Variants in HEMK2 observed in about 807,000 individuals in gnomAD.
HEMK2 encodes methyltransferase HEMK2.
the HEMK2 span, among the ~76,000 whole-genome samples, chr21:28,644,880 T>C: frequency 6.6e-6 from 1 of 152,216 alleles, no homozygotes; most frequent in African/African-American, 2.4e-5. Flanking sequence ...GTTAATCTGA[T>C]GAGAGATTGG....
At chr21:28,684,209 TC>T in the HEMK2 span, among the ~76,000 whole-genome samples, 1 of 152,200 alleles carries the variant, frequency 6.6e-6, no homozygotes, top group African/African-American at 2.4e-5. Context: ...ACATAATTAT[TC>T]TCAAACACTA....
the HEMK2 span, among the ~76,000 whole-genome samples, chr21:28,683,207 TAAAATAGGTA>T: frequency 1.3e-5 from 2 of 151,968 alleles, no homozygotes; most frequent in African/African-American, 4.8e-5. Context: ...CTTTACACAA[TAAAATAGGTA>T]ATAGTAACAT....
the HEMK2 span, chr21:28,878,182 T>C: frequency 1.3e-6 from 2 of 1,529,776 alleles, no homozygotes; most frequent in South Asian, 1.2e-5. Flanking sequence ...AATAAATTGG[T>C]CTGTATTACC....
chr21:28,785,897 T>A, the HEMK2 span, among the ~76,000 whole-genome samples: 2 of 152,258 alleles, frequency 1.3e-5, no homozygotes, highest in African/African-American at 4.8e-5. Context: ...CTCAAAATTT[T>A]ATCAGTCAAC....
the HEMK2 span, among the ~76,000 whole-genome samples, chr21:28,768,675 T>C: frequency 2.0e-5 from 3 of 152,110 alleles, no homozygotes; most frequent in South Asian, 2.1e-4. Flanking sequence ...GTGAGATGAG[T>C]TCCTTTCCCT....
chr21:28,680,148 T>G, the HEMK2 span, among the ~76,000 whole-genome samples: 2 of 152,076 alleles, frequency 1.3e-5, no homozygotes, highest in East Asian at 3.9e-4. Context: ...ATTGATAGAC[T>G]GCTAGCAAGA....
the HEMK2 span, among the ~76,000 whole-genome samples, chr21:28,763,999 A>G: frequency 2.0e-5 from 3 of 152,250 alleles, no homozygotes; most frequent in African/African-American, 7.2e-5. Context: ...AGCATGTTGC[A>G]TAGTGTCCCC....
chr21:28,832,858 G>A, the HEMK2 span, among the ~76,000 whole-genome samples: 1 of 152,226 alleles, frequency 6.6e-6, no homozygotes, highest in African/African-American at 2.4e-5. Flanking sequence ...CTCAAATTCA[G>A]ATTCAGCTAA....
chr21:28,811,109 C>A, the HEMK2 span, among the ~76,000 whole-genome samples: 5 of 152,008 alleles, frequency 3.3e-5, no homozygotes, highest in African/African-American at 1.2e-4. Context: ...AGGCCAGGCA[C>A]AATGGCTCAT....
chr21:28,714,720 G>A, the HEMK2 span, among the ~76,000 whole-genome samples: 1 of 152,126 alleles, frequency 6.6e-6, no homozygotes, highest in African/African-American at 2.4e-5. Flanking sequence ...TGATGCTGAG[G>A]TCTGGGATAC....
chr21:28,732,708 A>T, the HEMK2 span, among the ~76,000 whole-genome samples: 3 of 152,312 alleles, frequency 2.0e-5, no homozygotes, highest in East Asian at 5.8e-4. Flanking sequence ...GACAGAAAGG[A>T]TCACCAGCAT....
the HEMK2 span, among the ~76,000 whole-genome samples, chr21:28,637,879 A>G: frequency 6.6e-6 from 1 of 152,246 alleles, no homozygotes; most frequent in East Asian, 1.9e-4. Context: ...ATTTGAATCC[A>G]TAAAGTATAT....
At chr21:28,699,011 ATG>A in the HEMK2 span, among the ~76,000 whole-genome samples, 2 of 152,158 alleles carry the variant, frequency 1.3e-5, no homozygotes, top group Non-Finnish European at 2.9e-5. Flanking sequence ...GTAAGCATTC[ATG>A]TGTTTTTTTA....
At chr21:28,742,106 T>C in the HEMK2 span, among the ~76,000 whole-genome samples, 1 of 152,136 alleles carries the variant, frequency 6.6e-6, no homozygotes, top group African/African-American at 2.4e-5. Flanking sequence ...CAGCCATGCC[T>C]GTTTGTATAT....
the HEMK2 span, among the ~76,000 whole-genome samples, chr21:28,776,045 G>A: frequency 6.6e-6 from 1 of 152,124 alleles, no homozygotes; most frequent in Non-Finnish European, 1.5e-5. Flanking sequence ...CTGCAGAGGA[G>A]TTATAGGTTT....
chr21:28,883,293 AG>A, the HEMK2 span, among the ~76,000 whole-genome samples: 2 of 152,224 alleles, frequency 1.3e-5, no homozygotes, highest in African/African-American at 4.8e-5. Context: ...AGTCCATAAA[AG>A]TTATCTATTA....
chr21:28,590,764 C>T, the HEMK2 span, among the ~76,000 whole-genome samples: 1 of 152,146 alleles, frequency 6.6e-6, no homozygotes, highest in Non-Finnish European at 1.5e-5. Flanking sequence ...AATGCTTGGG[C>T]GTTATTGGTC....
At chr21:28,640,571 A>G in the HEMK2 span, among the ~76,000 whole-genome samples, 1 of 152,184 alleles carries the variant, frequency 6.6e-6, no homozygotes, top group South Asian at 2.1e-4. Flanking sequence ...CCCTAAATCA[A>G]ATTAAGGTAT....
At chr21:28,831,724 AAG>A in the HEMK2 span, among the ~76,000 whole-genome samples, 108 of 138,748 alleles carry the variant, frequency 7.8e-4, 1 homozygote, top group Admixed American at 9.3e-4. Context: ...GGAAGGAAGG[AAG>A]GAAGGAAGGA....
Sources: allele counts gnomAD v4.1 joint callset (sites outside exome capture counted in the v4.1 genomes callset), GRCh38; gene constraint gnomAD v4.1.1; transcripts MANE v1.5; gene names NCBI Gene and HGNC (gene_info 2026-07-23, HGNC 2026-07-21).